IP6K3: variants seen among roughly 807,000 people sequenced by gnomAD.
IP6K3 encodes inositol hexakisphosphate kinase 3, also known as ATP:1D-myo-inositol-hexakisphosphate phosphotransferase.
IP6K3 carries 20 observed loss-of-function variants against 28.8 expected under a neutral mutation model. The ratio of observed to expected loss-of-function variants is 0.70; its 90% CI spans 0.49 to 1.01. The LOEUF (loss-of-function observed/expected upper bound fraction) is 1.01. IP6K3 is among the 50% of genes least tolerant of loss of function. The pLI is 0.00. For missense variants in IP6K3, 480 were observed against 537.1 expected, an observed-to-expected ratio of 0.89 and a Z score of 1.05; for synonymous variants, 213 against 221.3, an observed-to-expected ratio of 0.96 and a Z score of 0.33.
At chr6:33,724,546 C>CT (rs1454202685) in intron 5 of IP6K3, among the ~76,000 whole-genome samples, 2 of 152,176 alleles carry the variant, frequency 1.3e-5, no homozygotes. Context: ...GGCGTGGAGT[C>CT]TGAGTTATAG....
intron 5 of IP6K3, 26 bp downstream of exon 5, chr6:33,725,415 C>A (rs7449640): frequency 1.1e-5 from 18 of 1,593,710 alleles, no homozygotes; most frequent in Admixed American, 1.7e-5. Context: ...GATGTCCCCC[C>A]CTGTGGTGGG....
At chr6:33,741,645 CAAAAAAAAAAA>C (rs11403411) in intron 1 of IP6K3, among the ~76,000 whole-genome samples, 4 of 29,376 alleles carry the variant, frequency 1.4e-4, no homozygotes, top group Admixed American at 1.4e-3. Flanking sequence ...GACTCCATCT[CAAAAAAAAAAA>C]AAAAAAAAAA....
At chr6:33,725,347 G>A in intron 5 of IP6K3, 94 bp downstream of exon 5, 1 of 1,310,556 alleles carries the variant, frequency 7.6e-7, no homozygotes. Context: ...GAAGGGCTCT[G>A]CAGGGGGGCA....
Position 33,735,517 on chromosome 6 carries a change from C to G in IP6K3, c.-41G>C. ...TGGTGGGGGGTCCCTGCACAGTCTGCTAGAGGAAGGTTTGAAGTAGAAAGG... is the reference window on the plus strand; with the variant it reads ...TGGTGGGGGGTCCCTGCACAGTCTGGTAGAGGAAGGTTTGAAGTAGAAAGG... On this transcript the variant is annotated 5_prime_UTR_variant, in exon 2 of 6. Coordinates refer to ENST00000293756, the MANE Select transcript of IP6K3 (RefSeq NM_054111.5). 6.3e-7 allele frequency: 1 copy of G among 1,594,166 alleles called. No individual in the cohort carries two copies. Among genetic ancestry groups the G allele is most frequent in the Non-Finnish European group, 8.5e-7 (1 of 1,175,392 alleles).
the IP6K3 span, among the ~76,000 whole-genome samples, chr6:33,754,061 G>A: frequency 1.3e-5 from 2 of 152,148 alleles, no homozygotes; most frequent in East Asian, 1.9e-4. Context: ...TGCCTGCCTC[G>A]GCCTCCCAAA....
At chr6:33,753,053 T>C in the IP6K3 span, among the ~76,000 whole-genome samples, 1 of 152,140 alleles carries the variant, frequency 6.6e-6, no homozygotes, top group Non-Finnish European at 1.5e-5. Context: ...GCCTCAGCCA[T>C]CTAAGGACAC....
At chr6:33,741,439 C>T (rs1057107934) in intron 1 of IP6K3, among the ~76,000 whole-genome samples, 3 of 151,838 alleles carry the variant, frequency 2.0e-5, no homozygotes, top group Middle Eastern at 3.4e-3. Context: ...GCCAGGAGTT[C>T]GAGACTAGCC....
At chr6:33,729,583 G>A (rs979993590) in intron 2 of IP6K3, among the ~76,000 whole-genome samples, 9 of 152,212 alleles carry the variant, frequency 5.9e-5, no homozygotes, top group Non-Finnish European at 1.0e-4. Flanking sequence ...ACCCTGCTGT[G>A]TTCCTCTGTG....
At chr6:33,734,411 G>A (rs1766435085) in intron 2 of IP6K3, among the ~76,000 whole-genome samples, 1 of 152,138 alleles carries the variant, frequency 6.6e-6, no homozygotes, top group African/African-American at 2.4e-5. Context: ...TCATTGAAAT[G>A]CAAATGTGTT....
chr6:33,747,272 C>G (rs925217861), upstream of IP6K3, among the ~76,000 whole-genome samples: 2 of 152,194 alleles, frequency 1.3e-5, no homozygotes, highest in Non-Finnish European at 2.9e-5. The surrounding 1 kb of genome is among the most constrained non-coding windows in gnomAD (Gnocchi z 5.2). Flanking sequence ...GCCCCATCCT[C>G]TCTGCAAGAA....
chr6:33,725,407 T>C, intron 5 of IP6K3, 34 bp downstream of exon 5: 1 of 1,583,768 alleles, frequency 6.3e-7, no homozygotes, highest in Non-Finnish European at 8.6e-7. Context: ...CGTGCCGGGA[T>C]GTCCCCCCCT....
intron 4 of IP6K3, among the ~76,000 whole-genome samples, chr6:33,726,011 G>A (rs1766098055): frequency 6.6e-6 from 1 of 152,204 alleles, no homozygotes; most frequent in South Asian, 2.1e-4. Flanking sequence ...GTGGGTTGAT[G>A]TTAGCTTTGG....
At chr6:33,724,000 G>A (rs12196663) in intron 5 of IP6K3, among the ~76,000 whole-genome samples, 1 of 152,234 alleles carries the variant, frequency 6.6e-6, no homozygotes, top group Non-Finnish European at 1.5e-5. Flanking sequence ...TGGCCGGGGG[G>A]GGGTGGCACC....
At chr6:33,759,604 C>T in the IP6K3 span, among the ~76,000 whole-genome samples, 1 of 152,170 alleles carries the variant, frequency 6.6e-6, no homozygotes, top group East Asian at 1.9e-4. Context: ...TGGCTCATGC[C>T]TATAATCCCA....
chr6:33,728,587 C>T (rs1766207955), intron 2 of IP6K3, among the ~76,000 whole-genome samples: 1 of 152,234 alleles, frequency 6.6e-6, no homozygotes, highest in Non-Finnish European at 1.5e-5. Flanking sequence ...ACAAAGTCAA[C>T]TCCGCACATT....
intron 4 of IP6K3, among the ~76,000 whole-genome samples, chr6:33,726,461 GAC>G: frequency 6.6e-6 from 1 of 152,200 alleles, no homozygotes; most frequent in East Asian, 1.9e-4. Context: ...AAGTAGCAAA[GAC>G]ACAGCCAGGG....
At chr6:33,747,406 C>A (rs1445440397), upstream of IP6K3, among the ~76,000 whole-genome samples, 1 of 152,114 alleles carries the variant, frequency 6.6e-6, no homozygotes, top group Non-Finnish European at 1.5e-5. The surrounding 1 kb of genome is among the most constrained non-coding windows in gnomAD (Gnocchi z 5.2). Context: ...TTTTTTGAGA[C>A]CCCCTGCTAG....
At position 33,739,957 on chromosome 6, in the gene IP6K3, C is replaced by T. The variant is rs150753078; in HGVS notation, c.-179-4302G>A. ...GAAGACACTCCTTTGTGGAGTCCTC[C>T]TTCCAAGCATTGCCACCACGCAGGG... On this transcript the variant is annotated intron_variant, in intron 1 of 5. Transcript: ENST00000293756. Among the ~76,000 whole-genome samples the T allele has an allele frequency of 2.0e-5, 3 of 152,360 alleles. No homozygotes were observed. In the East Asian group the frequency reaches 5.8e-4, roughly 29 times the overall value.
intron 1 of IP6K3, among the ~76,000 whole-genome samples, chr6:33,737,405 T>C (rs1405450429): frequency 2.0e-5 from 3 of 152,172 alleles, no homozygotes; most frequent in African/African-American, 7.2e-5. Flanking sequence ...TAATACTCGC[T>C]CCCTCTGCTG....
Sources: gnomAD v4.1 joint callset for allele counts (sites outside exome capture counted in the v4.1 genomes callset) on GRCh38, gnomAD v4.1.1 for gene constraint, Gnocchi (gnomAD v3.1) non-coding constraint, MANE v1.5 for transcripts, NCBI Gene and HGNC (gene_info 2026-07-23, HGNC 2026-07-21) for gene names.